ERP44: variants seen among roughly 807,000 people sequenced by gnomAD.
ERP44 encodes the protein endoplasmic reticulum protein 44, also known as endoplasmic reticulum resident protein 44.
In ERP44, 25 loss-of-function variants were observed where a neutral mutation model predicts 53.4. The ratio of observed to expected loss-of-function variants is 0.47; its 90% CI spans 0.34 to 0.65. The LOEUF is 0.65. Ranked by LOEUF, ERP44 falls within the 30% of genes least tolerant of loss-of-function variation. The pLI, the probability that ERP44 is intolerant of heterozygous loss-of-function variation, is 0.01. For synonymous variants in ERP44, 145 were observed against 161.2 expected, an observed-to-expected ratio of 0.90 and a Z score of 0.76; for missense variants, 338 against 493.2, an observed-to-expected ratio of 0.69 and a Z score of 2.98.
At chr9:100,094,592 AG>A (rs1384226692) in intron 1 of ERP44, among the ~76,000 whole-genome samples, 1 of 152,112 alleles carries the variant, frequency 6.6e-6, no homozygotes, top group African/African-American at 2.4e-5. Flanking sequence ...CAGGAGACAG[AG>A]GTTGCAATGA....
At chr9:100,065,201 G>A (rs1229440863) in intron 1 of ERP44, among the ~76,000 whole-genome samples, 9 of 151,994 alleles carry the variant, frequency 5.9e-5, no homozygotes, top group Admixed American at 5.9e-4. Context: ...TTTTTACTGT[G>A]TCTTTTCTAC....
intron 1 of ERP44, among the ~76,000 whole-genome samples, chr9:100,078,932 T>A (rs996280051): frequency 6.6e-6 from 1 of 152,226 alleles, no homozygotes; most frequent in Non-Finnish European, 1.5e-5. Flanking sequence ...ATGTTAGGCA[T>A]AATTATGACT....
At chr9:100,076,792 AT>A (rs1255053288) in intron 1 of ERP44, among the ~76,000 whole-genome samples, 14 of 152,166 alleles carry the variant, frequency 9.2e-5, no homozygotes, top group African/African-American at 3.4e-4. Context: ...GCAGAGGAGG[AT>A]TTTAATAACC....
intron 10 of ERP44, among the ~76,000 whole-genome samples, chr9:99,996,954 CAT>C (rs201160707): frequency 6.0e-4 from 63 of 104,650 alleles, no homozygotes; most frequent in African/African-American, 1.3e-3. Context: ...TACACACACA[CAT>C]GTATATGTAC....
At chr9:99,990,790 C>T (rs1162728428) in intron 10 of ERP44, among the ~76,000 whole-genome samples, 2 of 152,026 alleles carry the variant, frequency 1.3e-5, no homozygotes, top group Non-Finnish European at 2.9e-5. Context: ...CAGAGACACA[C>T]ATAGGCTCAA....
intron 1 of ERP44, among the ~76,000 whole-genome samples, chr9:100,069,638 C>G (rs1347125514): frequency 2.0e-5 from 3 of 151,116 alleles, no homozygotes; most frequent in Non-Finnish European, 4.4e-5. Context: ...TTACCCAGTT[C>G]AAATAAAAAA....
intron 10 of ERP44, among the ~76,000 whole-genome samples, chr9:100,001,188 C>T (rs1038212360): frequency 6.6e-6 from 1 of 152,100 alleles, no homozygotes; most frequent in African/African-American, 2.4e-5. Flanking sequence ...TAGCTTCATA[C>T]CATTGTGGTC....
chr9:99,983,551 C>CAAGA (rs1830170075), intron 11 of ERP44, among the ~76,000 whole-genome samples: 1 of 66,974 alleles, frequency 1.5e-5, no homozygotes, highest in Non-Finnish European at 2.7e-5. Flanking sequence ...GACTCCGTCT[C>CAAGA]AAAAAAAAAA....
At chr9:100,051,516 T>C (rs1826036907) in intron 4 of ERP44, among the ~76,000 whole-genome samples, 1 of 152,070 alleles carries the variant, frequency 6.6e-6, no homozygotes, top group African/African-American at 2.4e-5. Flanking sequence ...GCAGTCTCTG[T>C]CTCCCAGCAA....
intron 1 of ERP44, among the ~76,000 whole-genome samples, chr9:100,068,095 G>A (rs1488943301): frequency 2.1e-5 from 3 of 142,120 alleles, no homozygotes; most frequent in Non-Finnish European, 3.1e-5. Flanking sequence ...TCAGCCCCCC[G>A]CCCGGCCAGC....
intron 4 of ERP44, among the ~76,000 whole-genome samples, chr9:100,046,270 T>C (rs1825968700): frequency 6.6e-6 from 1 of 151,692 alleles, no homozygotes; most frequent in Non-Finnish European, 1.5e-5. Context: ...GAGAAACAAA[T>C]AGATCAAAGG....
chr9:100,010,970 GAA>G (rs1830470150), intron 8 of ERP44, among the ~76,000 whole-genome samples: 1 of 149,888 alleles, frequency 6.7e-6, no homozygotes, highest in Non-Finnish European at 1.5e-5. Flanking sequence ...ACTGTTAGCA[GAA>G]AAAGTCTAAT....
chr9:100,075,884 A>T (rs1826349920), intron 1 of ERP44, among the ~76,000 whole-genome samples: 1 of 152,176 alleles, frequency 6.6e-6, no homozygotes, highest in Admixed American at 6.5e-5. Context: ...ACGGCTCTGC[A>T]ACAGGTCCAG....
chr9:99,998,441 G>A, intron 10 of ERP44: 1 of 655,072 alleles, frequency 1.5e-6, no homozygotes, highest in Non-Finnish European at 2.8e-6. Flanking sequence ...CTCCTTTCTG[G>A]GTGCCGGACC....
chr9:100,064,016 TC>T (rs1291191148), intron 1 of ERP44, among the ~76,000 whole-genome samples: 2 of 152,244 alleles, frequency 1.3e-5, no homozygotes, highest in East Asian at 3.8e-4. Flanking sequence ...AGCAGGAGCT[TC>T]TTCAGCAAGG....
At chr9:100,068,017 C>T (rs1445247304) in intron 1 of ERP44, among the ~76,000 whole-genome samples, 18 of 149,708 alleles carry the variant, frequency 1.2e-4, no homozygotes, top group East Asian at 2.0e-4. Flanking sequence ...CCGCCCCGTC[C>T]GGGAGGGAGG....
Position 99,984,996 on chromosome 9 carries a change from G to C in ERP44, c.1090C>G (p.Pro364Ala). Residue 364 changes from proline (P) to alanine (A), a missense_variant, in exon 11 of 12, where the codon CCT becomes GCT. Physicochemically the swap from Pro to Ala is conservative, Grantham distance 27. Coordinates refer to ENST00000262455, the MANE Select transcript of ERP44 (RefSeq NM_015051.3). ...CCTGGGGCTGTATCAGTTGGGTCAG[G>C]TCCATGATGGAATTCTCTGTGCAGT... ...GKLHREFHHG[P>A]DPTDTAPGEQ... 6.2e-7 allele frequency: 1 copy of C among 1,612,892 alleles called. No individual in the cohort carries two copies. The highest frequency in any genetic ancestry group is 8.5e-7 in the Non-Finnish European group (1 of 1,178,988).
intron 1 of ERP44, among the ~76,000 whole-genome samples, chr9:100,067,167 C>T (rs912685508): frequency 9.4e-5 from 14 of 148,242 alleles, no homozygotes; most frequent in African/African-American, 1.9e-4. Context: ...CTCTCCCTCT[C>T]GCTCTCCCTC....
chr9:99,998,407 C>T (rs1420020334), intron 10 of ERP44: 12 of 636,850 alleles, frequency 1.9e-5, no homozygotes, highest in Middle Eastern at 4.0e-4. Context: ...GCTGCAAGGC[C>T]GGCCGGTCCT....
Sources: gnomAD v4.1 joint callset for allele counts (sites outside exome capture counted in the v4.1 genomes callset) on GRCh38, gnomAD v4.1.1 for gene constraint, MANE v1.5 for transcripts, NCBI Gene and HGNC (gene_info 2026-07-23, HGNC 2026-07-21) for gene names.